Variants in NDRG1 observed in about 807,000 individuals in gnomAD.
NDRG1 encodes protein NDRG1.
A neutral mutation model predicts 56.9 loss-of-function variants in NDRG1; 32 were observed. The observed-to-expected ratio is 0.56, with a 90% CI of 0.42 to 0.76. The LOEUF (loss-of-function observed/expected upper bound fraction) is 0.76, where lower values mean the gene tolerates loss of function less well. NDRG1 is among the 30% of genes least tolerant of loss of function. NDRG1 has a pLI of 0.00. For missense variants in NDRG1, 507 were observed against 545.7 expected, an observed-to-expected ratio of 0.93 and a Z score of 0.71; for synonymous variants, 211 against 204.1, an observed-to-expected ratio of 1.03 and a Z score of -0.29.
chr8:133,258,963 G>C (rs1856525604), intron 6 of NDRG1: 2 of 641,380 alleles, frequency 3.1e-6, no homozygotes, highest in Non-Finnish European at 5.6e-6. Flanking sequence ...TCACGCAAGA[G>C]GAAAACTGAA....
At chr8:133,264,401 TG>T (rs1158773977) in intron 4 of NDRG1, 145 bp downstream of exon 4, 4 of 754,168 alleles carry the variant, frequency 5.3e-6, no homozygotes, top group Non-Finnish European at 9.2e-6. Flanking sequence ...TTCCAGGCTG[TG>T]GCAAGAGTTC....
chr8:133,279,199 A>G (rs1169430253), intron 3 of NDRG1, among the ~76,000 whole-genome samples: 1 of 152,082 alleles, frequency 6.6e-6, no homozygotes, highest in Non-Finnish European at 1.5e-5. Context: ...CCTTCTTCTT[A>G]AACACTGAGG....
intron 14 of NDRG1, among the ~76,000 whole-genome samples, chr8:133,243,143 C>A (rs58736213): frequency 0.015 from 2,300 of 152,324 alleles, 63 homozygotes; most frequent in African/African-American, 0.052. Flanking sequence ...GGCTGACCCC[C>A]CTCCCTGCTC....
intron 3 of NDRG1, among the ~76,000 whole-genome samples, chr8:133,274,655 G>A (rs1270754574): frequency 6.6e-6 from 1 of 152,186 alleles, no homozygotes; most frequent in Non-Finnish European, 1.5e-5. Context: ...GCCCAATGAA[G>A]TGTTGCTTAG....
At chr8:133,264,724 C>G in intron 3 of NDRG1, 72 bp from the exon 4 acceptor site, 2 of 1,277,546 alleles carry the variant, frequency 1.6e-6, no homozygotes, top group East Asian at 2.3e-5. Context: ...AGACAGCCAG[C>G]CTGTTTCCAA....
rs1199554007 is a variant in NDRG1 at position 133,246,464 on chromosome 8, C to A, written c.855+152G>T. On this transcript the variant is annotated intron_variant, in intron 13 of 15. Transcript: ENST00000323851. ...CAGCCTCAGATCACCAGTCAGCACC[C>A]AATATATGTTCATAAACAGATAGAT... 5 of 865,212 alleles carry A rather than the reference C, an allele frequency of 5.8e-6. No homozygotes were observed. In the Admixed American group the frequency reaches 7.7e-5, roughly 13 times the overall value. 53.6% of individuals were successfully genotyped at this position (865,212 alleles called of 1,614,324 possible). A position where few individuals can be genotyped will look rare whatever the true frequency, so the allele number is the denominator to read the frequency against.
intron 5 of NDRG1, among the ~76,000 whole-genome samples, chr8:133,261,826 A>G (rs1164527278): frequency 2.6e-5 from 4 of 152,200 alleles, no homozygotes; most frequent in African/African-American, 9.6e-5. Context: ...GCTGCACAAC[A>G]ATGTCTGCAT....
At chr8:133,285,864 T>C (rs948646936) in intron 1 of NDRG1, among the ~76,000 whole-genome samples, 2 of 152,252 alleles carry the variant, frequency 1.3e-5, no homozygotes, top group Non-Finnish European at 2.9e-5. Context: ...CCGCGTCTGT[T>C]AGCCTTGCTA....
chr8:133,284,276 C>T lies in NDRG1; in HGVS notation c.36G>A (p.Glu12=), dbSNP rs1436167822. 1.2e-6 allele frequency: 2 copies of T among 1,614,054 alleles called. No homozygotes were observed. Among genetic ancestry groups the T allele is most frequent in the East Asian group, 4.5e-5 (2 of 44,890 alleles). Residue 12 remains glutamate (E), a synonymous_variant, in exon 2 of 16, where the codon GAG becomes GAA. Coordinates refer to ENST00000323851, the MANE Select transcript of NDRG1 (RefSeq NM_006096.4). ...CCCCTTTCTCCACCAAAGGCTTCACCTCAGCGAGGTCTACATCCTGCATCT... is the reference window on the plus strand; with the variant it reads ...CCCCTTTCTCCACCAAAGGCTTCACTTCAGCGAGGTCTACATCCTGCATCT... ...SREMQDVDLA[E]VKPLVEKGET...
At chr8:133,258,922 G>A in intron 6 of NDRG1, 1 of 583,418 alleles carries the variant, frequency 1.7e-6, no homozygotes. Flanking sequence ...GAGCAAATGG[G>A]TGGGGCAGCT....
intron 7 of NDRG1, among the ~76,000 whole-genome samples, chr8:133,257,306 CACACACACACAG>C (rs145578629): frequency 0.11 from 15,326 of 134,580 alleles, 809 homozygotes; most frequent in Admixed American, 0.17. Context: ...CACACACACA[CACACACACACAG>C]AGAGAGAGAC....
At chr8:133,246,964 G>A (rs1241758500) in intron 12 of NDRG1, among the ~76,000 whole-genome samples, 1 of 152,206 alleles carries the variant, frequency 6.6e-6, no homozygotes, top group Non-Finnish European at 1.5e-5. Flanking sequence ...AATGTAAACA[G>A]TACTGTAGAA....
At chr8:133,296,348 T>C in intron 1 of NDRG1, 1 of 394,606 alleles carries the variant, frequency 2.5e-6, no homozygotes, top group Non-Finnish European at 5.2e-6. Flanking sequence ...GAGACCCCTC[T>C]CGCCCAGGTC....
At chr8:133,252,851 A>T (rs527916194) in intron 9 of NDRG1, among the ~76,000 whole-genome samples, 11 of 144,534 alleles carry the variant, frequency 7.6e-5, no homozygotes, top group Non-Finnish European at 1.2e-4. Flanking sequence ...ACACTCGCCA[A>T]CTCCAGAGTG....
intron 8 of NDRG1, chr8:133,255,606 G>T: frequency 2.9e-6 from 1 of 344,332 alleles, no homozygotes; most frequent in Non-Finnish European, 5.8e-6. Context: ...TAAAAAACAG[G>T]GAGTGTGTTC....
At chr8:133,296,818 T>C (rs1858802489) in intron 1 of NDRG1, 2 of 244,484 alleles carry the variant, frequency 8.2e-6, no homozygotes, top group South Asian at 3.4e-5. Flanking sequence ...CAGGAAACGC[T>C]ATCCTGGTAT....
Position 133,259,099 on chromosome 8 carries a change from A to T in NDRG1, c.389+69T>A, listed in dbSNP as rs1197598956. The stretch of plus-strand genomic sequence containing the variant: ...TTAGTGGTCAGTCCAGATCAAAGCC[A>T]AGGGGCAGGAAGATGCTAGAAACCA... On this transcript the variant is annotated intron_variant, in intron 6 of 15. Coordinates refer to ENST00000323851, the MANE Select transcript of NDRG1 (RefSeq NM_006096.4). The T allele has an allele frequency of 3.3e-6, 5 of 1,537,996 alleles. 1 individual carries two copies. The highest frequency in any genetic ancestry group is 2.7e-6 in the Non-Finnish European group (3 of 1,110,810).
At chr8:133,255,724 C>A (rs1007541957) in intron 8 of NDRG1, 1 of 192,050 alleles carries the variant, frequency 5.2e-6, no homozygotes, top group African/African-American at 2.4e-5. Context: ...GGGGATGGGG[C>A]AAGAGGCAGG....
chr8:133,269,837 G>T (rs1857104277), intron 3 of NDRG1, among the ~76,000 whole-genome samples: 1 of 152,202 alleles, frequency 6.6e-6, no homozygotes, highest in Admixed American at 6.5e-5. Context: ...TGCAGCACAG[G>T]CTGTTCCACT....
Sources: allele counts gnomAD v4.1 joint callset (sites outside exome capture counted in the v4.1 genomes callset), GRCh38; gene constraint gnomAD v4.1.1; transcripts MANE v1.5; gene names NCBI Gene and HGNC (gene_info 2026-07-23, HGNC 2026-07-21).